Variants in FMNL1 observed in about 807,000 individuals in gnomAD.
The protein encoded by FMNL1 is formin-like protein 1.
FMNL1 carries 43 observed loss-of-function variants against 121.3 expected under a neutral mutation model. The ratio of observed to expected loss-of-function variants is 0.35; its 90% CI spans 0.28 to 0.46. The LOEUF (loss-of-function observed/expected upper bound fraction) is 0.46, where lower values mean the gene tolerates loss of function less well. FMNL1 is among the 20% of genes least tolerant of loss of function. The pLI is 1.00. For missense variants in FMNL1, 1,191 were observed against 1,482.4 expected (o/e 0.80, Z 3.23); for synonymous variants, 613 against 613.5 (o/e 1.00, Z 0.01).
chr17:45,243,337 T>C lies in FMNL1; in HGVS notation c.2213+17T>C. The C allele has an allele frequency of 6.2e-7, 1 of 1,611,914 alleles. No homozygotes were observed. Among genetic ancestry groups the C allele is most frequent in the South Asian group, 1.1e-5 (1 of 91,012 alleles). ...CATTGAGGCGTGAGTGTCCCTGTCCTGGGTTTGTGGGCAGTCCGGCCCCTT... is the reference window on the plus strand; with the variant it reads ...CATTGAGGCGTGAGTGTCCCTGTCCCGGGTTTGTGGGCAGTCCGGCCCCTT... On this transcript the variant is annotated intron_variant, in intron 17 of 26. Transcript: ENST00000331495.
chr17:45,239,804 CT>C (rs113701881), intron 11 of FMNL1, among the ~76,000 whole-genome samples: 3 of 146,852 alleles, frequency 2.0e-5, no homozygotes, highest in South Asian at 4.2e-4. Flanking sequence ...TCTATGATTG[CT>C]TTTTTTTTGA....
chr17:45,236,531 G>C, intron 7 of FMNL1: 1 of 294,142 alleles, frequency 3.4e-6, no homozygotes, highest in Non-Finnish European at 6.4e-6. Context: ...CTGGCCGGAG[G>C]GCCAGGGGAG....
At position 45,243,892 on chromosome 17, in the gene FMNL1, A is replaced by G; in HGVS notation, c.2315A>G (p.Gln772Arg). 2 of 1,613,964 alleles carry G rather than the reference A, an allele frequency of 1.2e-6. No homozygotes were observed. The highest frequency in any genetic ancestry group is 2.2e-5 in the East Asian group (1 of 44,884). The change falls in exon 18 of 27, where the codon CAG becomes CGG. Residue 772 changes from glutamine (Q) to arginine (R), a missense_variant. Physicochemically the swap from Gln to Arg is conservative, Grantham distance 43 (BLOSUM62 1). This residue lies in a region of FMNL1 where 367 missense variants were observed against 528.6 expected (regional missense o/e 0.69). Coordinates refer to ENST00000331495, the MANE Select transcript of FMNL1 (RefSeq NM_005892.4). ...RSLITRFERE[Q>R]RPMEELSEED... ...CTCATCACCCGCTTTGAGCGGGAGC[A>G]GCGGCCAATGGAGGAGCTGTCAGAG...
At position 45,222,022 on chromosome 17, in the gene FMNL1, C is replaced by T. The variant is rs1239424455; in HGVS notation, c.-103C>T. ...CGAGACCCCCGCCGCCACCGCCAGC[C>T]GCTGCCCCCTCGCCCCCGCCCGGGC... On this transcript the variant is annotated 5_prime_UTR_variant, in exon 1 of 27. Transcript: ENST00000331495. 2.1e-6 allele frequency: 2 copies of T among 948,728 alleles called. No homozygotes were observed. Among genetic ancestry groups the T allele is most frequent in the African/African-American group, 1.7e-5 (1 of 57,148 alleles). The allele number at this position is 948,728 out of a possible 1,614,324, so 58.8% of individuals were successfully genotyped here.
chr17:45,240,653 G>A (rs367583540), intron 12 of FMNL1, 28 bp downstream of exon 12: 3 of 1,604,640 alleles, frequency 1.9e-6, no homozygotes, highest in Non-Finnish European at 2.6e-6. Flanking sequence ...CCCCAGCCCA[G>A]CACATCATAG....
At position 45,246,275 on chromosome 17, in the gene FMNL1, G is replaced by A; in HGVS notation, c.3156G>A (p.Lys1052=). ...LISELKRRQQ[K]EPLIYESDRD... ...CTGAGCTGAAACGGAGGCAGCAGAA[G>A]GAGCCACTCATTTATGAGAGCGACC... Residue 1052 remains lysine (K), a synonymous_variant, in exon 25 of 27, where the codon AAG becomes AAA. Coordinates refer to ENST00000331495, the MANE Select transcript of FMNL1 (RefSeq NM_005892.4). The A allele has an allele frequency of 6.2e-7, 1 of 1,614,044 alleles. No homozygotes were observed. The highest frequency in any genetic ancestry group is 8.5e-7 in the Non-Finnish European group (1 of 1,179,972).
chr17:45,229,001 G>A (rs2043385294), intron 1 of FMNL1, among the ~76,000 whole-genome samples: 1 of 152,162 alleles, frequency 6.6e-6, no homozygotes, highest in South Asian at 2.1e-4. Flanking sequence ...AGATGGACAG[G>A]GACAGAGAGA....
chr17:45,246,635 G>A lies in FMNL1; in HGVS notation c.*8+31G>A, dbSNP rs376749466. ...CAGATGACCTGGCCTCTGATACCAC[G>A]CTGCCCACAGCCCCTGGGACCCTTG... On this transcript the variant is annotated intron_variant, in intron 26 of 26. Coordinates refer to ENST00000331495, the MANE Select transcript of FMNL1 (RefSeq NM_005892.4). 69 of 1,555,060 alleles carry A rather than the reference G, an allele frequency of 4.4e-5. No homozygotes were observed. In the Admixed American group the frequency reaches 7.8e-4, roughly 17 times the overall value.
intron 19 of FMNL1, 93 bp from the exon 20 acceptor site, chr17:45,244,726 G>A: frequency 2.2e-6 from 3 of 1,354,884 alleles, no homozygotes; most frequent in Non-Finnish European, 2.0e-6. Context: ...TGTGGGGCCT[G>A]CTCCTTGCCA....
At chr17:45,230,482 A>G (rs2043416208) in intron 1 of FMNL1, 122 bp from the exon 2 acceptor site, 2 of 793,008 alleles carry the variant, frequency 2.5e-6, no homozygotes, top group Admixed American at 4.7e-5. Flanking sequence ...TCCTAGGGTC[A>G]GAGGATTCAT....
chr17:45,223,329 C>G (rs1029869592), intron 1 of FMNL1, among the ~76,000 whole-genome samples: 1 of 152,202 alleles, frequency 6.6e-6, no homozygotes, highest in Non-Finnish European at 1.5e-5. Context: ...CCCTCCATCT[C>G]CTTGACATCA....
At chr17:45,236,289 TC>T in intron 7 of FMNL1, 45 bp downstream of exon 7, 1 of 1,523,856 alleles carries the variant, frequency 6.6e-7, no homozygotes. Flanking sequence ...GCCCAGCCTG[TC>T]CTCACTGGGG....
chr17:45,227,918 T>C (rs997329876), intron 1 of FMNL1, among the ~76,000 whole-genome samples: 5 of 152,010 alleles, frequency 3.3e-5, no homozygotes, highest in African/African-American at 1.2e-4. Flanking sequence ...CAGCTCCAGG[T>C]CCTCCATGTG....
intron 1 of FMNL1, among the ~76,000 whole-genome samples, chr17:45,229,021 A>C (rs774080030): frequency 1.0e-4 from 15 of 150,684 alleles, no homozygotes; most frequent in Non-Finnish European, 1.6e-4. Flanking sequence ...ACAGAGAATG[A>C]CCTCGCCTCC....
At chr17:45,244,639 T>A (rs1350583473) in intron 19 of FMNL1, among the ~76,000 whole-genome samples, 180 bp from the exon 20 acceptor site, 2 of 152,222 alleles carry the variant, frequency 1.3e-5, no homozygotes, top group African/African-American at 4.8e-5. Context: ...TGCACATGTG[T>A]GAGACCTGTG....
chr17:45,235,447 T>C (rs1304211534), intron 6 of FMNL1, among the ~76,000 whole-genome samples: 1 of 152,084 alleles, frequency 6.6e-6, no homozygotes, highest in Non-Finnish European at 1.5e-5. Context: ...ATTAGCACAA[T>C]GACAAGAAAG....
At chr17:45,222,297 C>T in intron 1 of FMNL1, 44 bp downstream of exon 1, 1 of 1,154,094 alleles carries the variant, frequency 8.7e-7, no homozygotes. Flanking sequence ...CGGGGGGCGG[C>T]AGGGGCGCGG....
At chr17:45,224,160 G>C (rs7221388) in intron 1 of FMNL1, among the ~76,000 whole-genome samples, 3,589 of 152,220 alleles carry the variant, frequency 0.024, 139 homozygotes, top group African/African-American at 0.082. Flanking sequence ...TTCTTCCCGG[G>C]GTGGCTCAGC....
chr17:45,237,224 G>A lies in FMNL1; in HGVS notation c.724-57G>A, dbSNP rs2043569864. 6.5e-7 allele frequency: 1 copy of A among 1,543,656 alleles called. No homozygotes were observed. Among genetic ancestry groups the A allele is most frequent in the Non-Finnish European group, 9.0e-7 (1 of 1,117,232 alleles). Reference sequence around the variant, plus strand: ...GCAGTTAAAGATCCACGTGGCGTGGGTGCCTGAAGTCCTGGGGGGCCCTTC... The same window carrying A: ...GCAGTTAAAGATCCACGTGGCGTGGATGCCTGAAGTCCTGGGGGGCCCTTC... On this transcript the variant is annotated intron_variant, in intron 7 of 26. Transcript: ENST00000331495. The surrounding 1 kb of genome is among the most constrained non-coding windows in gnomAD (Gnocchi z 4.4).
Sources: allele counts gnomAD v4.1 joint callset (sites outside exome capture counted in the v4.1 genomes callset), GRCh38; gene constraint gnomAD v4.1.1; regional missense constraint gnomAD v4.1.1; non-coding constraint Gnocchi (gnomAD v3.1); transcripts MANE v1.5; gene names NCBI Gene and HGNC (gene_info 2026-07-23, HGNC 2026-07-21).